Variants in VWA3B observed in about 807,000 individuals in gnomAD.
VWA3B encodes von Willebrand factor A domain containing 3B.
A neutral mutation model predicts 158.3 loss-of-function variants in VWA3B; 138 were observed. The ratio of observed to expected loss-of-function variants is 0.87; its 90% confidence interval spans 0.76 to 1.00. VWA3B has a LOEUF of 1.00. Among genes scored for constraint, VWA3B ranks in the 50% least tolerant of loss-of-function variants. VWA3B has a pLI of 0.00. For missense variants in VWA3B, 1,555 were observed against 1,565.1 expected, an observed-to-expected ratio of 0.99 and a Z score of 0.11; for synonymous variants, 596 against 587.3, an observed-to-expected ratio of 1.01 and a Z score of -0.21.
At chr2:98,166,071 T>C (rs550451070) in intron 8 of VWA3B, among the ~76,000 whole-genome samples, 7 of 152,228 alleles carry the variant, frequency 4.6e-5, no homozygotes, top group South Asian at 2.1e-4. Context: ...GTATGGTGGC[T>C]CACGCCTGTA....
intron 21 of VWA3B, among the ~76,000 whole-genome samples, chr2:98,257,564 T>A (rs1687234371): frequency 6.6e-6 from 1 of 151,964 alleles, no homozygotes; most frequent in Non-Finnish European, 1.5e-5. Context: ...TTTTTTTTTT[T>A]AAGTCATTCT....
chr2:98,147,098 GT>G (rs1356520067), intron 7 of VWA3B, among the ~76,000 whole-genome samples: 1 of 152,178 alleles, frequency 6.6e-6, no homozygotes, highest in African/African-American at 2.4e-5. Context: ...CAATTGTGGT[GT>G]TTTAAAAGAG....
At chr2:98,203,683 T>C (rs1682776808) in intron 12 of VWA3B, among the ~76,000 whole-genome samples, 1 of 152,260 alleles carries the variant, frequency 6.6e-6, no homozygotes, top group African/African-American at 2.4e-5. Flanking sequence ...TTTGGAGCAA[T>C]TGTAAGTGGT....
chr2:98,115,293 G>A (rs1019012014), intron 2 of VWA3B, among the ~76,000 whole-genome samples: 5 of 152,100 alleles, frequency 3.3e-5, no homozygotes, highest in African/African-American at 7.2e-5. Flanking sequence ...AGGGCCTGTC[G>A]TGGGGTGGGG....
Position 98,093,178 on chromosome 2 carries a change from C to A in VWA3B, c.86C>A (p.Ala29Asp), listed in dbSNP as rs1362126876. 1 of 1,614,132 alleles carries A rather than the reference C, an allele frequency of 6.2e-7. No homozygotes were observed. Among genetic ancestry groups the A allele is most frequent in the East Asian group, 2.2e-5 (1 of 44,880 alleles). ...EGWINTKTDL[A>D]EQSLISSEKW... is the part of the protein sequence containing the mutation. ...TGGATTAACACCAAAACAGACTTGG[C>A]TGAGCAGAGTCTCATTTCATCTGAG... Residue 29 changes from alanine (A) to aspartate (D), a missense_variant, in exon 2 of 28, where the codon GCT becomes GAT. Coordinates refer to ENST00000477737, the MANE Select transcript of VWA3B (RefSeq NM_144992.5).
At chr2:98,235,561 G>A (rs1277490627) in intron 17 of VWA3B, among the ~76,000 whole-genome samples, 1 of 152,054 alleles carries the variant, frequency 6.6e-6, no homozygotes, top group African/African-American at 2.4e-5. Context: ...GAGTAGCTGG[G>A]ATTACAGGCA....
At chr2:98,211,806 T>C in intron 12 of VWA3B, 124 bp from the exon 13 acceptor site, 4 of 766,252 alleles carry the variant, frequency 5.2e-6, no homozygotes, top group Non-Finnish European at 6.4e-6. Flanking sequence ...ATTATCTCAA[T>C]GTAATTATTT....
At chr2:98,103,592 G>T (rs1683233056) in intron 2 of VWA3B, among the ~76,000 whole-genome samples, 1 of 151,978 alleles carries the variant, frequency 6.6e-6, no homozygotes, top group African/African-American at 2.4e-5. Context: ...AAAAGTACTT[G>T]TTTTTGTTGG....
intron 23 of VWA3B, among the ~76,000 whole-genome samples, chr2:98,292,904 C>T (rs1167197963): frequency 6.6e-6 from 1 of 151,814 alleles, no homozygotes; most frequent in Non-Finnish European, 1.5e-5. Context: ...ACAGAGGTTG[C>T]AGTGAGCCAA....
intron 13 of VWA3B, chr2:98,212,287 A>G: frequency 3.1e-6 from 1 of 327,448 alleles, no homozygotes; most frequent in Non-Finnish European, 5.6e-6. Context: ...CAGCCCCACA[A>G]AAGGAGACGT....
chr2:98,264,262 C>T (rs1687657499), intron 21 of VWA3B, among the ~76,000 whole-genome samples: 1 of 151,570 alleles, frequency 6.6e-6, no homozygotes, highest in African/African-American at 2.4e-5. Flanking sequence ...CTTCCCTCTG[C>T]TAACTTGGGC....
At chr2:98,142,865 C>T (rs1249604087) in intron 7 of VWA3B, among the ~76,000 whole-genome samples, 3 of 152,120 alleles carry the variant, frequency 2.0e-5, no homozygotes, top group South Asian at 2.1e-4. Context: ...ACTGGCCATA[C>T]GTGGCTGGAG....
At chr2:98,251,325 A>G (rs1055003558) in intron 20 of VWA3B, among the ~76,000 whole-genome samples, 3 of 152,160 alleles carry the variant, frequency 2.0e-5, no homozygotes, top group Admixed American at 6.5e-5. Context: ...ACATTCTATA[A>G]AGTGACTAAT....
intron 22 of VWA3B, among the ~76,000 whole-genome samples, chr2:98,275,990 A>T (rs552186988): frequency 3.3e-5 from 5 of 152,250 alleles, no homozygotes; most frequent in Admixed American, 3.3e-4. Context: ...GTGCAGTGGC[A>T]TCACTGGGTC....
chr2:98,110,795 C>T (rs1674078737), intron 2 of VWA3B, among the ~76,000 whole-genome samples: 1 of 152,178 alleles, frequency 6.6e-6, no homozygotes, highest in Non-Finnish European at 1.5e-5. Context: ...CAACAATTCC[C>T]ACGTTTGTGG....
At chr2:98,266,342 G>T (rs1451057233) in intron 21 of VWA3B, among the ~76,000 whole-genome samples, 3 of 150,750 alleles carry the variant, frequency 2.0e-5, no homozygotes, top group African/African-American at 7.3e-5. Flanking sequence ...GTTTGTCAAA[G>T]ATCAGATAGT....
chr2:98,218,301 A>ATT, intron 14 of VWA3B, among the ~76,000 whole-genome samples: 1 of 152,196 alleles, frequency 6.6e-6, no homozygotes, highest in East Asian at 1.9e-4. Context: ...ATTAATATAT[A>ATT]TATTTTGTTT....
chr2:98,250,309 G>T lies in VWA3B; in HGVS notation c.2674-9G>T, dbSNP rs1338504732. 2 of 1,605,552 alleles carry T rather than the reference G, an allele frequency of 1.2e-6. No homozygotes were observed. Among genetic ancestry groups the T allele is most frequent in the Non-Finnish European group, 1.7e-6 (2 of 1,176,788 alleles). ...TGACACTTTCCTTTCCTTTGCCATT[G>T]ACATGCAGGTGTTCCCTCTGGCACA... is the stretch of plus-strand genomic sequence containing the variant. On this transcript the variant is annotated splice_polypyrimidine_tract_variant and intron_variant, in intron 19 of 27. Transcript: ENST00000477737.
At chr2:98,271,944 G>A (rs550076378) in intron 22 of VWA3B, among the ~76,000 whole-genome samples, 1 of 152,234 alleles carries the variant, frequency 6.6e-6, no homozygotes, top group African/African-American at 2.4e-5. Flanking sequence ...TTTAAGAGGT[G>A]TGTGTGGGAA....
Sources: gnomAD v4.1 joint callset for allele counts (sites outside exome capture counted in the v4.1 genomes callset) on GRCh38, gnomAD v4.1.1 for gene constraint, MANE v1.5 for transcripts, NCBI Gene and HGNC (gene_info 2026-07-23, HGNC 2026-07-21) for gene names.